Variants in SIK3 observed in about 807,000 individuals in gnomAD.
SIK3 encodes serine/threonine-protein kinase SIK3.
Under a neutral mutation model 144.2 loss-of-function variants are expected in SIK3, and 28 were observed. That is an observed-to-expected ratio of 0.19 (90% CI 0.14 to 0.27). The LOEUF is 0.27. Among genes scored for constraint, SIK3 ranks in the 10% least tolerant of loss-of-function variants. The pLI, the probability that SIK3 is intolerant of heterozygous loss-of-function variation, is 1.00. For missense variants in SIK3, 1,319 were observed against 1,776.0 expected (o/e 0.74, Z 4.62); for synonymous variants, 686 against 676.3 (o/e 1.01, Z -0.22).
At chr11:117,081,449 C>A (rs539815326) in intron 1 of SIK3, among the ~76,000 whole-genome samples, 4 of 152,066 alleles carry the variant, frequency 2.6e-5, no homozygotes, top group Non-Finnish European at 5.9e-5. Flanking sequence ...CGGTGAAACC[C>A]CGTCTCTACT....
chr11:116,881,519 T>C (rs1021839995), intron 6 of SIK3, among the ~76,000 whole-genome samples: 1 of 152,196 alleles, frequency 6.6e-6, no homozygotes, highest in Non-Finnish European at 1.5e-5. Context: ...TGTGAGTCCG[T>C]ATCTGTGAAA....
rs1220535064 is a variant in SIK3 at position 116,934,538 on chromosome 11, A to G, written c.455-7158T>C. Reference sequence around the variant, plus strand: ...AAATAAACTAAACTTTTTCCCTGAGAGTTTTGAGACAACACAATTTCTTCG... The same window carrying G: ...AAATAAACTAAACTTTTTCCCTGAGGGTTTTGAGACAACACAATTTCTTCG... On this transcript the variant is annotated intron_variant, in intron 3 of 24. Coordinates refer to ENST00000445177, the MANE Select transcript of SIK3 (RefSeq NM_001366686.3). 3.3e-5 allele frequency among the ~76,000 whole-genome samples: 5 copies of G among 152,334 alleles called. No homozygotes were observed. In the East Asian group the frequency reaches 9.6e-4, roughly 29 times the overall value.
rs374241141 is a variant in SIK3, at chr11:116,947,569, A to ATGTATGTATGTATTTT, written c.454+6474_454+6475insAAAATACATACATACA. ...TATGTATGTATGTATGTATGTATGT[A>ATGTATGTATGTATTTT]TTTTTTTTTTTTTTGAGACAGAGTC... On this transcript the variant is annotated intron_variant, in intron 3 of 24. Transcript: ENST00000445177. Among the ~76,000 whole-genome samples, 866 of 109,420 alleles carry ATGTATGTATGTATTTT rather than the reference A, an allele frequency of 7.9e-3. 15 individuals are homozygous for ATGTATGTATGTATTTT. Among genetic ancestry groups the ATGTATGTATGTATTTT allele is most frequent in the Non-Finnish European group, 0.013 (710 of 53,368 alleles). The allele number at this position is 109,420 out of a possible 152,430, so 71.8% of individuals were successfully genotyped here.
chr11:116,998,151 T>G (rs1301857644), intron 1 of SIK3, among the ~76,000 whole-genome samples: 2 of 148,434 alleles, frequency 1.3e-5, no homozygotes, highest in Non-Finnish European at 3.0e-5. Context: ...CCACAGGTAG[T>G]GTATATGATA....
rs181328380 is a variant in SIK3, at chr11:116,887,208, C to T, written c.865+9045G>A. ...TTGCTTGAACCTAGGAGTTCAAGAC[C>T]AGCCTGGGCAACATGATGAAAATCT... On this transcript the variant is annotated intron_variant, in intron 6 of 24. Coordinates refer to ENST00000445177, the MANE Select transcript of SIK3 (RefSeq NM_001366686.3). 2.8e-5 allele frequency among the ~76,000 whole-genome samples: 4 copies of T among 143,264 alleles called. No individual in the cohort carries two copies. In the East Asian group the frequency reaches 8.0e-4, roughly 29 times the overall value. 94.0% of individuals were successfully genotyped at this position (143,264 alleles called of 152,430 possible).
chr11:117,095,834 T>C (rs930150982), intron 1 of SIK3, among the ~76,000 whole-genome samples: 7 of 152,196 alleles, frequency 4.6e-5, no homozygotes, highest in African/African-American at 1.7e-4. Context: ...GAAACACAAA[T>C]GAATGCTGGT....
chr11:116,973,038 A>G (rs1008859903), intron 1 of SIK3, among the ~76,000 whole-genome samples: 4 of 152,160 alleles, frequency 2.6e-5, no homozygotes, highest in African/African-American at 4.8e-5. Flanking sequence ...TCATAAAGCA[A>G]TTCTACCAAC....
chr11:116,847,639 C>A, intron 22 of SIK3, 31 bp from the exon 23 acceptor site: 2 of 1,613,172 alleles, frequency 1.2e-6, no homozygotes, highest in Non-Finnish European at 1.7e-6. Context: ...AAGAAATAAG[C>A]ACACAAGACA....
intron 1 of SIK3, among the ~76,000 whole-genome samples, chr11:116,995,494 C>T (rs1950634756): frequency 6.6e-6 from 1 of 151,942 alleles, no homozygotes; most frequent in South Asian, 2.1e-4. Flanking sequence ...AACTCCTGCG[C>T]TCAAGGCATC....
chr11:117,057,381 C>T (rs1953583760), intron 1 of SIK3, among the ~76,000 whole-genome samples: 1 of 152,130 alleles, frequency 6.6e-6, no homozygotes, highest in South Asian at 2.1e-4. Flanking sequence ...TAAGTACAGG[C>T]ACCTATTCTT....
At chr11:116,906,178 T>C (rs985658071) in intron 4 of SIK3, among the ~76,000 whole-genome samples, 10 of 151,926 alleles carry the variant, frequency 6.6e-5, no homozygotes, top group African/African-American at 2.4e-4. Context: ...TGTGATCAGA[T>C]GAGATATTGA....
chr11:116,847,374 C>T, intron 23 of SIK3, 102 bp downstream of exon 23: 1 of 1,506,338 alleles, frequency 6.6e-7, no homozygotes, highest in Non-Finnish European at 9.1e-7. Context: ...GTGGCTCTAC[C>T]TCCCCATGAG....
chr11:117,072,895 T>C (rs972738663), intron 1 of SIK3, among the ~76,000 whole-genome samples: 7 of 152,324 alleles, frequency 4.6e-5, no homozygotes, highest in Admixed American at 2.0e-4. Context: ...TGCTAAGGGA[T>C]TGAGGCCAGT....
At chr11:116,949,989 A>T (rs1948860031) in intron 3 of SIK3, 1 of 405,162 alleles carries the variant, frequency 2.5e-6, no homozygotes, top group South Asian at 1.7e-5. Context: ...CACTCTAGGA[A>T]CTGAGAGTTT....
chr11:116,853,426 A>G (rs1942621774), intron 21 of SIK3, among the ~76,000 whole-genome samples: 1 of 152,242 alleles, frequency 6.6e-6, no homozygotes, highest in African/African-American at 2.4e-5. Context: ...TTATCAAACT[A>G]AAGCTAAGAG....
At chr11:116,982,969 A>AAAT (rs1950201036) in intron 1 of SIK3, among the ~76,000 whole-genome samples, 5 of 142,308 alleles carry the variant, frequency 3.5e-5, no homozygotes, top group Non-Finnish European at 6.1e-5. Flanking sequence ...AAAAAAAAAA[A>AAAT]TTTCTGACCC....
chr11:116,850,359 T>C (rs1168069070), intron 21 of SIK3, among the ~76,000 whole-genome samples: 2 of 152,234 alleles, frequency 1.3e-5, no homozygotes, highest in Non-Finnish European at 2.9e-5. Context: ...CTGTTCCCCA[T>C]CTATGCACAA....
rs368881011 is a variant in SIK3, at chr11:116,876,408, C to A, written c.985-45G>T. ...AAGCTGTCAACCCCCCAATTAACCA[C>A]ATCAAATGTGGCACAGCATATATAA... On this transcript the variant is annotated intron_variant, in intron 7 of 24. Coordinates refer to ENST00000445177, the MANE Select transcript of SIK3 (RefSeq NM_001366686.3). 4 of 1,465,838 alleles carry A rather than the reference C, an allele frequency of 2.7e-6. No homozygotes were observed. In the Admixed American group the frequency reaches 6.7e-5, roughly 25 times the overall value. 90.8% of individuals were successfully genotyped at this position (1,465,838 alleles called of 1,614,324 possible). A position where few individuals can be genotyped will look rare whatever the true frequency, so the allele number is the denominator to read the frequency against.
At chr11:116,939,678 A>G (rs1338602046) in intron 3 of SIK3, among the ~76,000 whole-genome samples, 1 of 152,224 alleles carries the variant, frequency 6.6e-6, no homozygotes, top group Non-Finnish European at 1.5e-5. Context: ...TGAACTAAGC[A>G]AATTCCTAAA....
Sources: allele counts gnomAD v4.1 joint callset (sites outside exome capture counted in the v4.1 genomes callset), GRCh38; gene constraint gnomAD v4.1.1; transcripts MANE v1.5; gene names NCBI Gene and HGNC (gene_info 2026-07-23, HGNC 2026-07-21).